SLC47A2: variants seen among roughly 807,000 people sequenced by gnomAD.
SLC47A2 encodes multidrug and toxin extrusion protein 2.
SLC47A2 carries 52 observed loss-of-function variants against 67.7 expected under a neutral mutation model. That is an observed-to-expected ratio of 0.77 (90% confidence interval 0.61 to 0.97). The LOEUF is 0.97. Ranked by LOEUF, SLC47A2 falls within the 50% of genes least tolerant of loss-of-function variation. SLC47A2 has a pLI of 0.00. For synonymous variants in SLC47A2, 278 were observed against 292.9 expected (o/e 0.95, Z 0.52); for missense variants, 676 against 712.3 (o/e 0.95, Z 0.58).
intron 13 of SLC47A2, chr17:19,692,427 T>G (rs1269859211): frequency 3.0e-6 from 1 of 338,944 alleles, no homozygotes; most frequent in African/African-American, 2.2e-5. Flanking sequence ...GCAAAGGAAT[T>G]AAACAATTAA....
intron 13 of SLC47A2, 144 bp from the exon 14 acceptor site, chr17:19,681,814 T>C (rs1597587361): frequency 9.6e-7 from 1 of 1,039,224 alleles, no homozygotes; most frequent in East Asian, 2.6e-5. Flanking sequence ...TATCTCCCTT[T>C]CTTCCCTGAG....
At chr17:19,716,715 T>TAGGAG, upstream of SLC47A2, 1 of 1,121,870 alleles carries the variant, frequency 8.9e-7, no homozygotes, top group Non-Finnish European at 1.2e-6. Context: ...GGATGAGCCC[T>TAGGAG]GCCTCCTAGG....
intron 15 of SLC47A2, 57 bp from the exon 16 acceptor site, chr17:19,680,096 A>C: frequency 6.5e-7 from 1 of 1,531,192 alleles, no homozygotes; most frequent in African/African-American, 1.4e-5. Flanking sequence ...TCACCCCTTC[A>C]CTGCTAGCCT....
rs750455702 is a variant in SLC47A2 at position 19,678,773 on chromosome 17, CA to C, written c.1613del (p.Leu538ArgfsTer16). 3.1e-6 allele frequency: 5 copies of C among 1,614,246 alleles called. No homozygotes were observed. In the Admixed American group the frequency reaches 8.3e-5, roughly 27 times the overall value. On this transcript the variant is annotated frameshift_variant, in exon 17 of 17. Coordinates refer to ENST00000433844, the MANE Select transcript of SLC47A2 (RefSeq NM_001099646.3). LOFTEE classifies it low-confidence loss of function (END_TRUNC). The stretch of plus-strand genomic sequence containing the variant: ...CCAGAGCAGCCCCACGGCGGATGAC[CA>C]GCTGTTTCACTGATAGTCTGCTGGT... ...APTSRLSVKQ[L>X]VIRRGAALGA...
At chr17:19,684,018 T>A (rs958941852) in intron 13 of SLC47A2, among the ~76,000 whole-genome samples, 6 of 152,204 alleles carry the variant, frequency 3.9e-5, no homozygotes, top group Non-Finnish European at 7.3e-5. Context: ...GGGTCTCACA[T>A]GCAGCATTCT....
intron 13 of SLC47A2, among the ~76,000 whole-genome samples, chr17:19,691,527 C>T (rs4925041): frequency 0.28 from 42,551 of 151,882 alleles, 6,412 homozygotes; most frequent in East Asian, 0.52. Flanking sequence ...CATTCTCACT[C>T]GTTTGTAGGA....
chr17:19,681,484 G>T, intron 14 of SLC47A2, 23 bp from the exon 15 acceptor site: 2 of 1,614,026 alleles, frequency 1.2e-6, no homozygotes, highest in Non-Finnish European at 1.7e-6. Flanking sequence ...AGTGATGATG[G>T]GAACAATGTC....
At chr17:19,708,635 G>A in intron 6 of SLC47A2, 81 bp downstream of exon 6, 1 of 1,600,984 alleles carries the variant, frequency 6.2e-7, no homozygotes, top group Non-Finnish European at 8.5e-7. Context: ...TGGAGAGAAG[G>A]GGAAAGCCCC....
At position 19,705,440 on chromosome 17, in the gene SLC47A2, T is replaced by G. The variant is rs745447053; in HGVS notation, c.905A>C (p.Tyr302Ser). The change falls in exon 10 of 17, where the codon TAC (tyrosine) becomes TCC (serine). Residue 302 changes from tyrosine to serine, a missense_variant. Transcript: ENST00000433844. ...GCACCCCTGCAGGAGCCTTACCATG[T>G]AGGTCACAGTGGCCACCTCGTAGAT... is the stretch of plus-strand genomic sequence containing the variant. ...AVIYEVATVT[Y>S]MIPLGLSIGV... The G allele has an allele frequency of 5.0e-6, 8 of 1,611,570 alleles. No homozygotes were observed. The highest frequency in any genetic ancestry group is 6.8e-6 in the Non-Finnish European group (8 of 1,179,184).
intron 13 of SLC47A2, among the ~76,000 whole-genome samples, chr17:19,695,802 C>T (rs1006638277): frequency 6.6e-6 from 1 of 151,600 alleles, no homozygotes; most frequent in Non-Finnish European, 1.5e-5. Flanking sequence ...TGGCTCACTA[C>T]AACTTCCACC....
chr17:19,701,497 G>T (rs2085786542), intron 13 of SLC47A2, among the ~76,000 whole-genome samples: 1 of 152,188 alleles, frequency 6.6e-6, no homozygotes, highest in African/African-American at 2.4e-5. Flanking sequence ...CCCAGGTAGG[G>T]AAAGGGCTGG....
At chr17:19,715,307 C>T (rs1314443787) in intron 1 of SLC47A2, 90 bp from the exon 2 acceptor site, 11 of 1,171,130 alleles carry the variant, frequency 9.4e-6, no homozygotes, top group East Asian at 2.5e-5. Context: ...TTGAGGGCCC[C>T]GCACCAGTGC....
At chr17:19,692,132 G>A (rs912054633) in intron 13 of SLC47A2, 42 of 333,592 alleles carry the variant, frequency 1.3e-4, no homozygotes, top group African/African-American at 7.9e-4. Context: ...GGAGGCTGAC[G>A]CAGGAGAATC....
chr17:19,681,168 G>C (rs912354445), intron 15 of SLC47A2, among the ~76,000 whole-genome samples, 199 bp downstream of exon 15: 2 of 151,958 alleles, frequency 1.3e-5, no homozygotes, highest in African/African-American at 4.8e-5. Flanking sequence ...AGCTGAGATC[G>C]CGCCACTGCA....
In SLC47A2 at chr17:19,685,257, G is replaced by A. The variant is rs1030411822; in HGVS notation, c.1165-3587C>T. Among the ~76,000 whole-genome samples, 11 of 152,102 alleles carry A rather than the reference G, an allele frequency of 7.2e-5. No individual in the cohort carries two copies. The highest frequency in any genetic ancestry group is 4.6e-4 in the Admixed American group (7 of 15,262). On this transcript the variant is annotated intron_variant, in intron 13 of 16. Transcript: ENST00000433844. The surrounding 1 kb of genome is among the most constrained non-coding windows in gnomAD (Gnocchi z 4.5). ...AGTGCTAAGATTACAGCCTCTGCCC[G>A]CCCGCCACCCCATCTAGGAAGTGAG...
At chr17:19,694,285 C>CA (rs1223297305) in intron 13 of SLC47A2, among the ~76,000 whole-genome samples, 1 of 152,020 alleles carries the variant, frequency 6.6e-6, no homozygotes, top group Non-Finnish European at 1.5e-5. Flanking sequence ...AAAATACATA[C>CA]AAAAATGCAA....
chr17:19,685,671 C>T lies in SLC47A2; in HGVS notation c.1165-4001G>A, dbSNP rs192182937. On this transcript the variant is annotated intron_variant, in intron 13 of 16. Transcript: ENST00000433844. The surrounding 1 kb of genome is among the most constrained non-coding windows in gnomAD (Gnocchi z 4.5). Reference sequence around the variant, plus strand: ...CAGGGACACAAACAGGGCCGAAGGCCGCAGGGACCTCTGCCTAGGAAAACC... The same window carrying T: ...CAGGGACACAAACAGGGCCGAAGGCTGCAGGGACCTCTGCCTAGGAAAACC... Among the ~76,000 whole-genome samples the T allele has an allele frequency of 6.8e-4, 103 of 152,294 alleles. No homozygotes were observed. The highest frequency in any genetic ancestry group is 3.4e-3 in the Middle Eastern group (1 of 294).
At chr17:19,681,495 C>T (rs748749326) in intron 14 of SLC47A2, 34 bp from the exon 15 acceptor site, 10 of 1,614,110 alleles carry the variant, frequency 6.2e-6, no homozygotes, top group East Asian at 2.2e-5. Flanking sequence ...GAACAATGTC[C>T]GACGACCACC....
intron 13 of SLC47A2, among the ~76,000 whole-genome samples, chr17:19,687,178 A>G (rs982502234): frequency 1.3e-5 from 2 of 152,194 alleles, no homozygotes; most frequent in Non-Finnish European, 2.9e-5. Flanking sequence ...GGAAATTAAT[A>G]TGCTCCTGAA....
Sources: allele counts gnomAD v4.1 joint callset (sites outside exome capture counted in the v4.1 genomes callset), GRCh38; gene constraint gnomAD v4.1.1; non-coding constraint Gnocchi (gnomAD v3.1); transcripts MANE v1.5; gene names NCBI Gene and HGNC (gene_info 2026-07-23, HGNC 2026-07-21).